The following DENND4B variants were observed in gnomAD, a reference collection of about 807,000 sequenced individuals.
DENND4B encodes DENN domain-containing protein 4B.
DENND4B carries 67 observed loss-of-function variants against 161.0 expected under a neutral mutation model. The ratio of observed to expected loss-of-function variants is 0.42; its 90% CI spans 0.34 to 0.51. The LOEUF (loss-of-function observed/expected upper bound fraction) is 0.51. Among genes scored for constraint, DENND4B ranks in the 20% least tolerant of loss-of-function variants. The probability of loss-of-function intolerance (pLI) is 0.08; values close to 1 mark genes in which losing one functional copy is unlikely to be tolerated. For missense variants in DENND4B, 1,481 were observed against 1,968.0 expected, an observed-to-expected ratio of 0.75 and a Z score of 4.68; for synonymous variants, 753 against 813.8, an observed-to-expected ratio of 0.93 and a Z score of 1.27.
At position 153,934,421 on chromosome 1, in the gene DENND4B, C is replaced by T. The variant is rs904568015; in HGVS notation, c.2774-119G>A. On this transcript the variant is annotated intron_variant, in intron 18 of 27. Coordinates refer to ENST00000361217, the MANE Select transcript of DENND4B (RefSeq NM_014856.3). The surrounding 1 kb of genome is among the most constrained non-coding windows in gnomAD (Gnocchi z 5.3). ...GGTTCCTCCCAGGCAAAACTTTATCCGTTTTGTGTTTGTTTGTTTGTTTGT... is the reference window on the plus strand; with the variant it reads ...GGTTCCTCCCAGGCAAAACTTTATCTGTTTTGTGTTTGTTTGTTTGTTTGT... 9 of 1,334,542 alleles carry T rather than the reference C, an allele frequency of 6.7e-6. No individual in the cohort carries two copies. The highest frequency in any genetic ancestry group is 4.3e-5 in the South Asian group (3 of 70,504). 82.7% of individuals were successfully genotyped at this position (1,334,542 alleles called of 1,614,324 possible). A position where few individuals can be genotyped will look rare whatever the true frequency, so the allele number is the denominator to read the frequency against.
Position 153,930,263 on chromosome 1 carries a change from C to G in DENND4B, c.*34G>C. On this transcript the variant is annotated 3_prime_UTR_variant, in exon 28 of 28. Transcript: ENST00000361217. This position sits in a 1 kb window ranked among gnomAD's most constrained non-coding sequence, Gnocchi z 4.7. ...TCTAGAATCCCTTCTTCCTCACTTCCCCACCCTAGGCTGGAGAGGGAAGCT... is the reference window on the plus strand; with the variant it reads ...TCTAGAATCCCTTCTTCCTCACTTCGCCACCCTAGGCTGGAGAGGGAAGCT... 3 of 1,598,710 alleles carry G rather than the reference C, an allele frequency of 1.9e-6. No homozygotes were observed. Among genetic ancestry groups the G allele is most frequent in the Non-Finnish European group, 2.6e-6 (3 of 1,168,634 alleles).
At position 153,932,844 on chromosome 1, in the gene DENND4B, T is replaced by C; in HGVS notation, c.3623+17A>G. The C allele has an allele frequency of 6.2e-7, 1 of 1,613,584 alleles. No individual in the cohort carries two copies. The highest frequency in any genetic ancestry group is 8.5e-7 in the Non-Finnish European group (1 of 1,179,608). On this transcript the variant is annotated intron_variant, in intron 22 of 27. Transcript: ENST00000361217. The surrounding 1 kb of genome is among the most constrained non-coding windows in gnomAD (Gnocchi z 5.8). ...CCTCCCTATTCCCACCCACAGCACT[T>C]GCCCTGCCTTGGGCACCTGGGCCGG... is the stretch of plus-strand genomic sequence containing the variant.
Position 153,932,203 on chromosome 1 carries a change from C to G in DENND4B, c.3996+1G>C. ...AACAGGGGCCACATGGGGGCACTGA[C>G]CTGGGAGTGCGAAGGCCCATCACAG... On this transcript the variant is annotated splice_donor_variant, in intron 24 of 27. Coordinates refer to ENST00000361217, the MANE Select transcript of DENND4B (RefSeq NM_014856.3). LOFTEE classifies it high-confidence loss of function. This position sits in a 1 kb window ranked among gnomAD's most constrained non-coding sequence, Gnocchi z 5.8. 1 of 1,613,112 alleles carries G rather than the reference C, an allele frequency of 6.2e-7. No homozygotes were observed. The highest frequency in any genetic ancestry group is 8.5e-7 in the Non-Finnish European group (1 of 1,179,432).
In DENND4B at chr1:153,940,946, C is replaced by T; in HGVS notation, c.1284G>A (p.Leu428=). Residue 428 remains leucine (L), a synonymous_variant, in exon 9 of 28, where the codon CTG becomes CTA. Transcript: ENST00000361217. This position sits in a 1 kb window ranked among gnomAD's most constrained non-coding sequence, Gnocchi z 5.6. The stretch of plus-strand genomic sequence containing the variant: ...AGACGCTGGTGAGCAGGTCTGGCCG[C>T]AGCGAGTGGACTAGCAGCTTGTGCT... ...LTEHKLLVHS[L]RPDLLTSVCE... 2 of 1,601,322 alleles carry T rather than the reference C, an allele frequency of 1.2e-6. No homozygotes were observed. Among genetic ancestry groups the T allele is most frequent in the Non-Finnish European group, 8.5e-7 (1 of 1,175,258 alleles).
At position 153,940,309 on chromosome 1, in the gene DENND4B, G is replaced by A. The variant is rs889723448; in HGVS notation, c.1503-53C>T. On this transcript the variant is annotated intron_variant, in intron 10 of 27. Transcript: ENST00000361217. The surrounding 1 kb of genome is among the most constrained non-coding windows in gnomAD (Gnocchi z 5.6). ...TGGCGAGGCTCTGGGATAGGGTGAC[G>A]GGGTTCCTTGCCAGCCTCCCTCACT... 1.8e-5 allele frequency: 28 copies of A among 1,564,322 alleles called. No homozygotes were observed. Among genetic ancestry groups the A allele is most frequent in the African/African-American group, 4.1e-5 (3 of 73,716 alleles).
At position 153,937,619 on chromosome 1, in the gene DENND4B, AG is replaced by A. The variant is rs1323364253; in HGVS notation, c.2106-6del. ...AGCTCTGGGAATCCATCATAGCTGG[AG>A]GGGCAGAGAGAAGCAACATCGGGGC... On this transcript the variant is annotated splice_region_variant and splice_polypyrimidine_tract_variant and intron_variant, in intron 14 of 27. Transcript: ENST00000361217. The surrounding 1 kb of genome is among the most constrained non-coding windows in gnomAD (Gnocchi z 4.7). The A allele has an allele frequency of 2.5e-6, 4 of 1,611,742 alleles. No individual in the cohort carries two copies. The Admixed American group carries it at 6.7e-5, about 27-fold the overall frequency.
intron 24 of DENND4B, among the ~76,000 whole-genome samples, chr1:153,931,761 G>T (rs1678954087): frequency 1.3e-5 from 2 of 151,866 alleles, no homozygotes; most frequent in African/African-American, 4.8e-5. Context: ...CTCCCAAAAT[G>T]CTGGGATTAC....
In DENND4B at chr1:153,944,436, G is replaced by T. The variant is rs1245648608; in HGVS notation, c.-23-39C>A. 1 of 1,500,978 alleles carries T rather than the reference G, an allele frequency of 6.7e-7. No individual in the cohort carries two copies. Among genetic ancestry groups the T allele is most frequent in the East Asian group, 2.4e-5 (1 of 40,980 alleles). 93.0% of individuals were successfully genotyped at this position (1,500,978 alleles called of 1,614,324 possible). A position where few individuals can be genotyped will look rare whatever the true frequency, so the allele number is the denominator to read the frequency against. On this transcript the variant is annotated intron_variant, in intron 1 of 27. Coordinates refer to ENST00000361217, the MANE Select transcript of DENND4B (RefSeq NM_014856.3). The surrounding 1 kb of genome is among the most constrained non-coding windows in gnomAD (Gnocchi z 4.8). ...GTGGGAGAGAGATGAAGCAAGGAAGGCTGGGGATGCCATGGCAACCAGGGT... is the reference window on the plus strand; with the variant it reads ...GTGGGAGAGAGATGAAGCAAGGAAGTCTGGGGATGCCATGGCAACCAGGGT...
chr1:153,946,503 C>A lies in DENND4B; in HGVS notation c.-226G>T. 1 of 389,816 alleles carries A rather than the reference C, an allele frequency of 2.6e-6. No homozygotes were observed. The highest frequency in any genetic ancestry group is 1.3e-4 in the South Asian group (1 of 7,798). 24.1% of individuals were successfully genotyped at this position (389,816 alleles called of 1,614,324 possible). On this transcript the variant is annotated 5_prime_UTR_variant, in exon 1 of 28. Transcript: ENST00000361217. This position sits in a 1 kb window ranked among gnomAD's most constrained non-coding sequence, Gnocchi z 6.3. ...CGCAGTGGAAGGAGATCCGGGCGGT[C>A]CCCGCGTCCCCGCCGCGCTGCGCCA...
Position 153,940,776 on chromosome 1 carries a change from G to A in DENND4B, c.1326+128C>T. The A allele has an allele frequency of 6.9e-7, 1 of 1,450,744 alleles. No homozygotes were observed. Among genetic ancestry groups the A allele is most frequent in the Middle Eastern group, 1.9e-4 (1 of 5,226 alleles). 89.9% of individuals were successfully genotyped at this position (1,450,744 alleles called of 1,614,324 possible). A position where few individuals can be genotyped will look rare whatever the true frequency, so the allele number is the denominator to read the frequency against. ...CTGATGGAAGCTATGTGTTCCTGCA[G>A]GCTGTGCCCAGGGAAAGGGGCTGAG... On this transcript the variant is annotated intron_variant, in intron 9 of 27. Transcript: ENST00000361217. The surrounding 1 kb of genome is among the most constrained non-coding windows in gnomAD (Gnocchi z 5.6).
rs1483955300 is a variant in DENND4B at position 153,944,681 on chromosome 1, C to G, written c.-23-284G>C. On this transcript the variant is annotated intron_variant, in intron 1 of 27. Coordinates refer to ENST00000361217, the MANE Select transcript of DENND4B (RefSeq NM_014856.3). The surrounding 1 kb of genome is among the most constrained non-coding windows in gnomAD (Gnocchi z 4.8). Reference sequence around the variant, plus strand: ...TGACATTCACATTGTCCATGTGTCCCTTTTAAAGGCTCACCAGTTATAACA... The same window carrying G: ...TGACATTCACATTGTCCATGTGTCCGTTTTAAAGGCTCACCAGTTATAACA... 6.6e-6 allele frequency among the ~76,000 whole-genome samples: 1 copy of G among 152,208 alleles called. No individual in the cohort carries two copies. Among genetic ancestry groups the G allele is most frequent in the African/African-American group, 2.4e-5 (1 of 41,462 alleles).
rs144856530 is a variant in DENND4B at position 153,933,703 on chromosome 1, C to T, written c.3110G>A (p.Ser1037Asn). 1.1e-4 allele frequency: 169 copies of T among 1,583,304 alleles called. No individual in the cohort carries two copies. In the African/African-American group the frequency reaches 2.1e-3, roughly 20 times the overall value. ...CCCACCAGCCTTGGGTCCCCGCCCA[C>T]TTAGCCCTTCCAGGGCCTCAGTGGA... is the stretch of plus-strand genomic sequence containing the variant. ...AQSTEALEGL[S>N]GRGPKAGGRQ... is the part of the protein sequence containing the mutation. Residue 1037 changes from serine (S) to asparagine (N), a missense_variant, in exon 20 of 28, where the codon AGT becomes AAT. This residue lies in a region of DENND4B where 339 missense variants were observed against 330.3 expected (regional missense o/e 1.03). Transcript: ENST00000361217. The surrounding 1 kb of genome is among the most constrained non-coding windows in gnomAD (Gnocchi z 5.7).
In DENND4B at chr1:153,936,597, G is replaced by C. The variant is rs747793919; in HGVS notation, c.2384C>G (p.Thr795Arg). ...SAPSRVQALH[T>R]AYHVLRQMES... is the part of the protein sequence containing the mutation. Reference sequence around the variant, plus strand: ...CATCTGGCGCAGCACATGGTAGGCTGTGTGCAGTGCCTGCACTCGGGAGGG... The same window carrying C: ...CATCTGGCGCAGCACATGGTAGGCTCTGTGCAGTGCCTGCACTCGGGAGGG... Residue 795 changes from threonine (T) to arginine (R), a missense_variant, in exon 16 of 28, where the codon ACA (threonine) becomes AGA (arginine). By Grantham distance (71) the Thr-to-Arg change is moderately conservative (BLOSUM62 -1). Transcript: ENST00000361217. This position sits in a 1 kb window ranked among gnomAD's most constrained non-coding sequence, Gnocchi z 4.1. 1 of 1,612,060 alleles carries C rather than the reference G, an allele frequency of 6.2e-7. No homozygotes were observed. Among genetic ancestry groups the C allele is most frequent in the Admixed American group, 1.7e-5 (1 of 59,768 alleles).
In DENND4B at chr1:153,946,500, G is replaced by C; in HGVS notation, c.-223C>G. 1 of 389,858 alleles carries C rather than the reference G, an allele frequency of 2.6e-6. No individual in the cohort carries two copies. The allele number at this position is 389,858 out of a possible 1,614,324, so 24.1% of individuals were successfully genotyped here. On this transcript the variant is annotated 5_prime_UTR_variant, in exon 1 of 28. Transcript: ENST00000361217. The surrounding 1 kb of genome is among the most constrained non-coding windows in gnomAD (Gnocchi z 6.3). ...GGGCGCAGTGGAAGGAGATCCGGGC[G>C]GTCCCCGCGTCCCCGCCGCGCTGCG...
rs1377373354 is a variant in DENND4B, at chr1:153,933,223, C to G, written c.3427G>C (p.Gly1143Arg). 6.2e-7 allele frequency: 1 copy of G among 1,613,070 alleles called. No individual in the cohort carries two copies. ...TCCAGGGAAGGTGACTGGAAGGATC[C>G]AGGGGTGTCACTGAGGCGCTCTGAG... is the stretch of plus-strand genomic sequence containing the variant. The part of the protein sequence containing the change: ...RSSERLSDTP[G>R]SFQSPSLEIL... Residue 1143 changes from glycine to arginine, a missense_variant, in exon 21 of 28, where the codon GGA becomes CGA. Gly to Arg is a moderately radical substitution (Grantham distance 125). Coordinates refer to ENST00000361217, the MANE Select transcript of DENND4B (RefSeq NM_014856.3). This position sits in a 1 kb window ranked among gnomAD's most constrained non-coding sequence, Gnocchi z 5.7.
chr1:153,935,127 C>T, intron 17 of DENND4B, 163 bp from the exon 18 acceptor site: 2 of 1,388,926 alleles, frequency 1.4e-6, no homozygotes, highest in Non-Finnish European at 9.4e-7. Context: ...CCAGAAGAGA[C>T]AGTAGGCAGC....
rs765025841 is a variant in DENND4B, at chr1:153,932,668, G to A, written c.3733C>T (p.Pro1245Ser). Residue 1245 changes from proline to serine, a missense_variant, in exon 23 of 28, where the codon CCC becomes TCC. Physicochemically the swap from Pro to Ser is moderately conservative, Grantham distance 74 (BLOSUM62 -1). Transcript: ENST00000361217. The surrounding 1 kb of genome is among the most constrained non-coding windows in gnomAD (Gnocchi z 5.8). ...CCCATGTGCCCGTTGCAGAGCTGGG[G>A]CTCATCCAGAGCAAGGCAGAGCCTT... ...DRRLCLALDE[P>S]QLCNGHMGGA... 4.3e-6 allele frequency: 7 copies of A among 1,613,908 alleles called. No homozygotes were observed. The highest frequency in any genetic ancestry group is 1.7e-4 in the Middle Eastern group (1 of 6,052).
intron 12 of DENND4B, 91 bp downstream of exon 12, chr1:153,939,498 G>C (rs1679546562): frequency 7.2e-7 from 1 of 1,388,892 alleles, no homozygotes. Context: ...CAATGGAGTG[G>C]CTCCCAGTCC....
Position 153,930,699 on chromosome 1 carries a change from G to A in DENND4B, c.4273C>T (p.Leu1425=), listed in dbSNP as rs781633857. ...TLGPPPTGLH[L]QRGIYREILF... ...CAGATGGTAGCACCATACCTCTGCA[G>A]GTGCAGGCCAGTGGGTGGGGGCCCT... Residue 1425 remains leucine (L), a synonymous_variant, in exon 26 of 28, where the codon CTG becomes TTG. Coordinates refer to ENST00000361217, the MANE Select transcript of DENND4B (RefSeq NM_014856.3). The surrounding 1 kb of genome is among the most constrained non-coding windows in gnomAD (Gnocchi z 4.7). The A allele has an allele frequency of 3.1e-6, 5 of 1,612,440 alleles. No individual in the cohort carries two copies. In the African/African-American group the frequency reaches 5.3e-5, roughly 17 times the overall value.
Sources: allele counts gnomAD v4.1 joint callset (sites outside exome capture counted in the v4.1 genomes callset), GRCh38; gene constraint gnomAD v4.1.1; regional missense constraint gnomAD v4.1.1; non-coding constraint Gnocchi (gnomAD v3.1); transcripts MANE v1.5; gene names NCBI Gene and HGNC (gene_info 2026-07-23, HGNC 2026-07-21).